ZNF804A: variants seen among roughly 807,000 people sequenced by gnomAD.
ZNF804A encodes zinc finger protein 804A.
In ZNF804A, 2 loss-of-function variants were observed where a neutral mutation model predicts 16.5. The observed-to-expected ratio is 0.12, with a 90% CI of 0.05 to 0.38. The LOEUF (loss-of-function observed/expected upper bound fraction) is 0.38. ZNF804A is among the 10% of genes least tolerant of loss of function. The pLI is 0.99. For synonymous variants in ZNF804A, 534 were observed against 489.6 expected, an observed-to-expected ratio of 1.09 and a Z score of -1.20; for missense variants, 1,473 against 1,390.7, an observed-to-expected ratio of 1.06 and a Z score of -0.94.
chr2:184,604,900 G>C (rs1691117673), intron 1 of ZNF804A, among the ~76,000 whole-genome samples: 2 of 151,794 alleles, frequency 1.3e-5, no homozygotes, highest in African/African-American at 4.8e-5. Flanking sequence ...AAATATACAG[G>C]GATTTCAGAG....
chr2:184,685,037 T>A (rs1692605592), intron 1 of ZNF804A, among the ~76,000 whole-genome samples: 1 of 152,118 alleles, frequency 6.6e-6, no homozygotes, highest in Non-Finnish European at 1.5e-5. Context: ...GTAACCAGCC[T>A]GGATCCTACA....
chr2:184,735,709 A>G (rs948171345), intron 1 of ZNF804A, among the ~76,000 whole-genome samples: 2 of 152,232 alleles, frequency 1.3e-5, no homozygotes, highest in South Asian at 4.1e-4. Context: ...GCTCTTTAGC[A>G]TGACAGTTTG....
intron 1 of ZNF804A, among the ~76,000 whole-genome samples, chr2:184,600,385 T>C (rs1239478837): frequency 6.6e-6 from 1 of 152,206 alleles, no homozygotes; most frequent in East Asian, 1.9e-4. Flanking sequence ...GTTTCTTTTA[T>C]TGATTTTGTG....
intron 1 of ZNF804A, among the ~76,000 whole-genome samples, chr2:184,776,782 C>A (rs1396927826): frequency 6.6e-6 from 1 of 151,482 alleles, no homozygotes; most frequent in East Asian, 1.9e-4. Flanking sequence ...GGACATTAGC[C>A]AGTTATCCTA....
intron 1 of ZNF804A, among the ~76,000 whole-genome samples, chr2:184,740,299 A>G (rs949739908): frequency 2.0e-5 from 3 of 152,214 alleles, no homozygotes; most frequent in African/African-American, 2.4e-5. Flanking sequence ...GAAATGCCCA[A>G]TTGATATTTA....
intron 1 of ZNF804A, among the ~76,000 whole-genome samples, chr2:184,696,806 T>C (rs1238876481): frequency 1.3e-5 from 2 of 152,016 alleles, no homozygotes; most frequent in Non-Finnish European, 2.9e-5. Context: ...TTTACATAAT[T>C]GTAATCAAAT....
At chr2:184,802,669 A>C (rs1014636059) in intron 1 of ZNF804A, among the ~76,000 whole-genome samples, 9 of 152,204 alleles carry the variant, frequency 5.9e-5, no homozygotes, top group African/African-American at 2.2e-4. Context: ...GATGAGTGCA[A>C]GGGAAGCAGT....
In ZNF804A at chr2:184,905,619, A is replaced by T. The variant is rs1468837133; in HGVS notation, c.256-27984A>T. Among the ~76,000 whole-genome samples the T allele has an allele frequency of 3.3e-5, 5 of 152,244 alleles. No individual in the cohort carries two copies. In the East Asian group the frequency reaches 9.7e-4, roughly 29 times the overall value. ...TAGAACCAGTATGATTAATACAGTC[A>T]GCTATAATATATGTTTGTTTCCAAT... On this transcript the variant is annotated intron_variant, in intron 2 of 3. Coordinates refer to ENST00000302277, the MANE Select transcript of ZNF804A (RefSeq NM_194250.2).
intron 1 of ZNF804A, among the ~76,000 whole-genome samples, chr2:184,629,613 C>T (rs2105685682): frequency 6.6e-6 from 1 of 152,140 alleles, no homozygotes; most frequent in South Asian, 2.1e-4. Context: ...TTGTATGTAA[C>T]ATTAAAATAA....
At chr2:184,605,352 C>T (rs1012242252) in intron 1 of ZNF804A, among the ~76,000 whole-genome samples, 34 of 152,046 alleles carry the variant, frequency 2.2e-4, no homozygotes, top group Non-Finnish European at 4.3e-4. Context: ...GTTTCTCTTC[C>T]TAAAAATTTT....
chr2:184,707,227 T>C (rs1409530073), intron 1 of ZNF804A, among the ~76,000 whole-genome samples: 2 of 152,180 alleles, frequency 1.3e-5, no homozygotes, highest in Non-Finnish European at 2.9e-5. Flanking sequence ...TTAATATGTG[T>C]ACATGGGTAA....
chr2:184,867,044 T>TTG (rs1192266760), intron 2 of ZNF804A, among the ~76,000 whole-genome samples: 1 of 151,884 alleles, frequency 6.6e-6, no homozygotes, highest in Non-Finnish European at 1.5e-5. Flanking sequence ...GTACTTAATA[T>TTG]ATCTATGATT....
intron 1 of ZNF804A, among the ~76,000 whole-genome samples, chr2:184,862,201 G>A (rs1359456133): frequency 6.6e-6 from 1 of 152,092 alleles, no homozygotes; most frequent in African/African-American, 2.4e-5. Flanking sequence ...TGGGATGGCT[G>A]TATTTAATAT....
intron 1 of ZNF804A, among the ~76,000 whole-genome samples, chr2:184,640,138 G>T (rs1443982979): frequency 6.6e-6 from 1 of 151,868 alleles, no homozygotes; most frequent in African/African-American, 2.4e-5. Flanking sequence ...GATGAATTAT[G>T]ATTCTAGGCA....
chr2:184,748,553 A>G (rs1693829993), intron 1 of ZNF804A, among the ~76,000 whole-genome samples: 1 of 151,486 alleles, frequency 6.6e-6, no homozygotes, highest in African/African-American at 2.4e-5. Context: ...ATAGCTTGTC[A>G]ATATTTTCTC....
chr2:184,764,074 A>AT (rs1255979561), intron 1 of ZNF804A, among the ~76,000 whole-genome samples: 2 of 152,064 alleles, frequency 1.3e-5, no homozygotes, highest in Admixed American at 1.3e-4. Flanking sequence ...GTTTTCAATT[A>AT]TTTTTTTAAA....
chr2:184,797,370 A>G (rs1036395869), intron 1 of ZNF804A, among the ~76,000 whole-genome samples: 5 of 151,690 alleles, frequency 3.3e-5, no homozygotes, highest in African/African-American at 4.8e-5. Context: ...GCTTTTTACC[A>G]TTATATATTG....
intron 2 of ZNF804A, among the ~76,000 whole-genome samples, chr2:184,876,524 TA>T (rs1393409864): frequency 1.6e-4 from 25 of 152,146 alleles, no homozygotes; most frequent in Admixed American, 1.6e-3. Flanking sequence ...AACCCAGAAA[TA>T]TTTTTGCTCC....
At chr2:184,827,560 T>C (rs2105793845) in intron 1 of ZNF804A, among the ~76,000 whole-genome samples, 1 of 149,780 alleles carries the variant, frequency 6.7e-6, no homozygotes, top group Admixed American at 6.7e-5. Flanking sequence ...ACCCAGGAAA[T>C]ATACCCATGC....
Sources: allele counts gnomAD v4.1 joint callset (sites outside exome capture counted in the v4.1 genomes callset), GRCh38; gene constraint gnomAD v4.1.1; transcripts MANE v1.5; gene names NCBI Gene and HGNC (gene_info 2026-07-23, HGNC 2026-07-21).